The following DACH1 variants were observed in gnomAD, a reference collection of about 807,000 sequenced individuals.
DACH1 encodes the protein dachshund family transcription factor 1, also known as dachshund homolog 1.
In DACH1, 12 loss-of-function variants were observed where a neutral mutation model predicts 54.2. The ratio of observed to expected loss-of-function variants is 0.22; its 90% CI spans 0.14 to 0.36. The LOEUF (loss-of-function observed/expected upper bound fraction) is 0.36, where lower values mean the gene tolerates loss of function less well. Ranked by LOEUF, DACH1 falls within the 10% of genes least tolerant of loss-of-function variation. DACH1 has a pLI of 1.00. For synonymous variants in DACH1, 386 were observed against 366.2 expected, an observed-to-expected ratio of 1.05 and a Z score of -0.62; for missense variants, 805 against 929.8, an observed-to-expected ratio of 0.87 and a Z score of 1.75.
At chr13:71,564,756 T>C (rs1316742342) in intron 4 of DACH1, among the ~76,000 whole-genome samples, 2 of 152,170 alleles carry the variant, frequency 1.3e-5, no homozygotes, top group Non-Finnish European at 2.9e-5. Flanking sequence ...AATATTTTCT[T>C]AGGGTAAGTA....
chr13:71,619,781 C>T (rs994157022), intron 3 of DACH1, among the ~76,000 whole-genome samples: 16 of 151,722 alleles, frequency 1.1e-4, no homozygotes, highest in Non-Finnish European at 2.4e-4. Context: ...TATGTAATTG[C>T]TAAGGTCATA....
chr13:71,746,552 T>C (rs1480234554), intron 1 of DACH1, among the ~76,000 whole-genome samples: 1 of 152,188 alleles, frequency 6.6e-6, no homozygotes, highest in Admixed American at 6.5e-5. Context: ...AAAGTCCTGT[T>C]TGGAATCCTC....
chr13:71,748,383 T>C (rs777045788), intron 1 of DACH1, among the ~76,000 whole-genome samples: 60 of 152,164 alleles, frequency 3.9e-4, no homozygotes, highest in Non-Finnish European at 6.3e-4. Flanking sequence ...ATCTTAGAGA[T>C]AAAAAAGTGC....
intron 2 of DACH1, among the ~76,000 whole-genome samples, chr13:71,658,462 A>G (rs781173987): frequency 1.1e-4 from 16 of 152,132 alleles, no homozygotes; most frequent in South Asian, 4.2e-4. Flanking sequence ...AGGCAAGAAA[A>G]TCTCTTGAAC....
intron 3 of DACH1, among the ~76,000 whole-genome samples, chr13:71,576,784 C>G (rs1885555954): frequency 6.6e-6 from 1 of 152,122 alleles, no homozygotes; most frequent in African/African-American, 2.4e-5. Flanking sequence ...GCTTCCCCAT[C>G]CCCACTAGCA....
In DACH1 at chr13:71,475,747, A is replaced by G. The variant is rs780913942; in HGVS notation, c.1973T>C (p.Leu658Pro). Residue 658 changes from leucine (L) to proline (P), a missense_variant, in exon 9 of 11, where the codon CTA becomes CCA. Physicochemically the swap from Leu to Pro is moderately conservative, Grantham distance 98. Coordinates refer to ENST00000613252, the MANE Select transcript of DACH1 (RefSeq NM_080759.6). ...TKRREQAEQTLKQAASTDSLR... is the reference protein window; with the variant it reads ...TKRREQAEQTPKQAASTDSLR... ...ACTATCTGTTGAAGCTGCCTGTTTTAGCGTCTGTTCTGCTTGTTCACGCCG... is the reference window on the plus strand; with the variant it reads ...ACTATCTGTTGAAGCTGCCTGTTTTGGCGTCTGTTCTGCTTGTTCACGCCG... 7 of 1,613,688 alleles carry G rather than the reference A, an allele frequency of 4.3e-6. No individual in the cohort carries two copies. In the South Asian group the frequency reaches 7.7e-5, roughly 18 times the overall value.
At chr13:71,551,624 A>G (rs1883822928) in intron 6 of DACH1, among the ~76,000 whole-genome samples, 1 of 152,086 alleles carries the variant, frequency 6.6e-6, no homozygotes, top group Admixed American at 6.6e-5. Flanking sequence ...ATTTTTGAAG[A>G]CTCAATCTTG....
chr13:71,831,976 CT>C (rs1491204493), intron 1 of DACH1, among the ~76,000 whole-genome samples: 2 of 151,706 alleles, frequency 1.3e-5, no homozygotes, highest in Admixed American at 6.6e-5. Context: ...GCTGACCAGA[CT>C]TTTTTTTGAG....
At chr13:71,469,789 G>T (rs976092171) in intron 10 of DACH1, among the ~76,000 whole-genome samples, 27 of 152,136 alleles carry the variant, frequency 1.8e-4, no homozygotes, top group Non-Finnish European at 3.4e-4. Flanking sequence ...ACAGAAAGAA[G>T]ATATTTTTAC....
chr13:71,596,095 C>T (rs1874073273), intron 3 of DACH1, among the ~76,000 whole-genome samples: 1 of 147,684 alleles, frequency 6.8e-6, no homozygotes, highest in Non-Finnish European at 1.5e-5. Context: ...CTAACATTCA[C>T]ATATATGTAT....
At chr13:71,492,007 G>A (rs1227024093) in intron 6 of DACH1, among the ~76,000 whole-genome samples, 1 of 151,964 alleles carries the variant, frequency 6.6e-6, no homozygotes, top group Non-Finnish European at 1.5e-5. Flanking sequence ...ATATTTCTAA[G>A]CTTATCTTTA....
At chr13:71,797,439 C>T (rs543121452) in intron 1 of DACH1, among the ~76,000 whole-genome samples, 6 of 152,240 alleles carry the variant, frequency 3.9e-5, no homozygotes, top group African/African-American at 1.4e-4. Context: ...TCAAACAGTA[C>T]ATTGACTGAA....
intron 5 of DACH1, 64 bp from the exon 6 acceptor site, chr13:71,557,222 C>A: frequency 6.8e-7 from 1 of 1,460,872 alleles, no homozygotes; most frequent in Non-Finnish European, 9.2e-7. Flanking sequence ...CACAAGGTTC[C>A]AATAAGTCAA....
intron 2 of DACH1, among the ~76,000 whole-genome samples, chr13:71,676,648 AAG>A (rs1241126601): frequency 6.6e-6 from 1 of 152,254 alleles, no homozygotes; most frequent in Admixed American, 6.5e-5. Flanking sequence ...AGTAGAAAAA[AAG>A]AAAATTAAAT....
Position 71,613,491 on chromosome 13 carries a change from G to A in DACH1, c.1126+17065C>T, listed in dbSNP as rs191428451. 4.0e-3 allele frequency among the ~76,000 whole-genome samples: 602 copies of A among 152,266 alleles called. 4 individuals carry two copies. Among genetic ancestry groups the A allele is most frequent in the Non-Finnish European group, 6.7e-3 (458 of 68,020 alleles). ...ATCATCACTGTAGCTGTTGCAAGGC[G>A]AGAGGATTTAAAAAGACAAGGAGTG... On this transcript the variant is annotated intron_variant, in intron 3 of 10. Transcript: ENST00000613252.
chr13:71,544,795 C>A (rs1399975383), intron 6 of DACH1, among the ~76,000 whole-genome samples: 2 of 152,002 alleles, frequency 1.3e-5, no homozygotes, highest in African/African-American at 4.8e-5. Flanking sequence ...AATTACAAAT[C>A]TTATCAGGGC....
At chr13:71,445,783 C>T (rs1476574208) in intron 10 of DACH1, among the ~76,000 whole-genome samples, 1 of 152,146 alleles carries the variant, frequency 6.6e-6, no homozygotes, top group African/African-American at 2.4e-5. Flanking sequence ...GTTATATTGG[C>T]CCTGTAGCCC....
At chr13:71,691,851 G>A (rs1047866297) in intron 1 of DACH1, among the ~76,000 whole-genome samples, 9 of 152,102 alleles carry the variant, frequency 5.9e-5, no homozygotes, top group African/African-American at 2.2e-4. Context: ...ACACTAAACC[G>A]TGTTAAATAC....
In DACH1 at chr13:71,799,376, G is replaced by A. The variant is rs540080438; in HGVS notation, c.848+66546C>T. ...AAATTTTCATGGCTCTTCAATTTAC[G>A]TTTTACATATTCCCTATGACAAGAA... On this transcript the variant is annotated intron_variant, in intron 1 of 10. Coordinates refer to ENST00000613252, the MANE Select transcript of DACH1 (RefSeq NM_080759.6). Among the ~76,000 whole-genome samples the A allele has an allele frequency of 4.6e-5, 7 of 152,014 alleles. No individual in the cohort carries two copies. The South Asian group carries it at 6.2e-4, about 13-fold the overall frequency.
Sources: allele counts gnomAD v4.1 joint callset (sites outside exome capture counted in the v4.1 genomes callset), GRCh38; gene constraint gnomAD v4.1.1; transcripts MANE v1.5; gene names NCBI Gene and HGNC (gene_info 2026-07-23, HGNC 2026-07-21).